TRAPPC11: variants seen among roughly 807,000 people sequenced by gnomAD.
TRAPPC11 encodes trafficking protein particle complex subunit 11.
In TRAPPC11, 104 loss-of-function variants were observed where a neutral mutation model predicts 151.2. The ratio of observed to expected loss-of-function variants is 0.69; its 90% CI spans 0.59 to 0.81. The LOEUF is 0.81. Ranked by LOEUF, TRAPPC11 falls within the 30% of genes least tolerant of loss-of-function variation. The pLI is 0.00. For missense variants in TRAPPC11, 1,230 were observed against 1,349.6 expected (o/e 0.91, Z 1.39); for synonymous variants, 456 against 472.3 (o/e 0.97, Z 0.45).
chr4:183,695,162 C>G (rs1275241494), intron 23 of TRAPPC11, among the ~76,000 whole-genome samples: 1 of 151,994 alleles, frequency 6.6e-6, no homozygotes, highest in Non-Finnish European at 1.5e-5. Flanking sequence ...GTTGGTCAGG[C>G]TGGTCTTGAA....
In TRAPPC11 at chr4:183,704,967, C is replaced by T; in HGVS notation, c.2964-12C>T. 2 of 1,549,796 alleles carry T rather than the reference C, an allele frequency of 1.3e-6. No individual in the cohort carries two copies. Among genetic ancestry groups the T allele is most frequent in the Non-Finnish European group, 1.8e-6 (2 of 1,134,440 alleles). ...TAAAAAGAGTTTAAAAAGATGACCTCTTCTGCCACAGGACCTCAGCAATGG... is the reference window on the plus strand; with the variant it reads ...TAAAAAGAGTTTAAAAAGATGACCTTTTCTGCCACAGGACCTCAGCAATGG... On this transcript the variant is annotated splice_polypyrimidine_tract_variant and intron_variant, in intron 26 of 29. Coordinates refer to ENST00000334690, the MANE Select transcript of TRAPPC11 (RefSeq NM_021942.6).
At chr4:183,689,148 C>T (rs990692678) in intron 18 of TRAPPC11, among the ~76,000 whole-genome samples, 1 of 152,128 alleles carries the variant, frequency 6.6e-6, no homozygotes, top group African/African-American at 2.4e-5. Context: ...ATTAGAGGCT[C>T]TTTATATTAA....
chr4:183,690,751 G>T (rs60054876), intron 18 of TRAPPC11, among the ~76,000 whole-genome samples: 37,221 of 152,042 alleles, frequency 0.24, 4,741 homozygotes, highest in African/African-American at 0.31. Context: ...AGGATCACTT[G>T]AGCCCAGGAA....
rs777681646 is a variant in TRAPPC11 at position 183,691,005 on chromosome 4, A to G, written c.1894-311A>G. ...GAAAGATTATAGCATCACAGAAGCC[A>G]AGTAAAAAAAGGCTCTTCAAGAAAA... On this transcript the variant is annotated intron_variant, in intron 18 of 29. Transcript: ENST00000334690. 4.7e-4 allele frequency among the ~76,000 whole-genome samples: 71 copies of G among 152,162 alleles called. 1 individual carries two copies. The highest frequency in any genetic ancestry group is 1.8e-4 in the Non-Finnish European group (12 of 68,028).
At chr4:183,678,483 CTG>C (rs1424455020) in intron 8 of TRAPPC11, among the ~76,000 whole-genome samples, 2 of 152,106 alleles carry the variant, frequency 1.3e-5, no homozygotes, top group African/African-American at 4.8e-5. Flanking sequence ...TAAATTATAA[CTG>C]TAAACAAAGA....
At chr4:183,698,104 A>AT (rs1362865474) in intron 25 of TRAPPC11, among the ~76,000 whole-genome samples, 9 of 151,386 alleles carry the variant, frequency 5.9e-5, no homozygotes, top group East Asian at 5.8e-4. Context: ...CACAAAAAGA[A>AT]TTTTTTTTTC....
Position 183,693,597 on chromosome 4 carries a change from C to T in TRAPPC11, c.2246C>T (p.Ser749Phe), listed in dbSNP as rs1301348672. The T allele has an allele frequency of 6.2e-7, 1 of 1,608,132 alleles. No homozygotes were observed. Among genetic ancestry groups the T allele is most frequent in the East Asian group, 2.2e-5 (1 of 44,826 alleles). Residue 749 changes from serine to phenylalanine, a missense_variant, in exon 21 of 30, where the codon TCC becomes TTC. Ser to Phe is a radical substitution (Grantham distance 155). Transcript: ENST00000334690. ...IIIQASTMII[S>F]RVPNISVHLL... ...AAGGTTTCTTTTCAAAGGATCATAT[C>T]CAGAGTCCCAAACATTTCTGTACAT...
chr4:183,692,635 A>C (rs930784260), intron 19 of TRAPPC11, among the ~76,000 whole-genome samples: 2 of 152,216 alleles, frequency 1.3e-5, no homozygotes, highest in African/African-American at 4.8e-5. Context: ...TACTTATTTC[A>C]TTCAGCAACC....
intron 2 of TRAPPC11, among the ~76,000 whole-genome samples, chr4:183,665,245 C>T (rs182166042): frequency 3.7e-4 from 56 of 151,912 alleles, no homozygotes; most frequent in Non-Finnish European, 7.1e-4. Context: ...CAGGCGCCCG[C>T]CACCACGTCC....
intron 18 of TRAPPC11, among the ~76,000 whole-genome samples, chr4:183,690,641 G>A (rs758673011): frequency 2.6e-5 from 4 of 152,128 alleles, no homozygotes; most frequent in Non-Finnish European, 5.9e-5. Flanking sequence ...CCAATGAAGT[G>A]AACAGAGAGA....
intron 2 of TRAPPC11, among the ~76,000 whole-genome samples, chr4:183,665,279 A>G (rs950562961): frequency 6.6e-6 from 1 of 151,830 alleles, no homozygotes; most frequent in Non-Finnish European, 1.5e-5. Flanking sequence ...TATTTTTAGT[A>G]GAGACGGGGT....
chr4:183,671,133 T>C (rs933362066), intron 5 of TRAPPC11, among the ~76,000 whole-genome samples: 3 of 152,222 alleles, frequency 2.0e-5, no homozygotes, highest in African/African-American at 7.2e-5. Context: ...CCCATAGTGC[T>C]GGGATTACAT....
At chr4:183,676,447 G>T (rs1735415796) in intron 7 of TRAPPC11, among the ~76,000 whole-genome samples, 1 of 152,138 alleles carries the variant, frequency 6.6e-6, no homozygotes. Context: ...ACTGCGCCTG[G>T]CCTGTAGTTC....
rs780363437 is a variant in TRAPPC11 at position 183,680,209 on chromosome 4, A to G, written c.1055A>G (p.Gln352Arg). The G allele has an allele frequency of 1.7e-5, 28 of 1,614,114 alleles. No individual in the cohort carries two copies. Among genetic ancestry groups the G allele is most frequent in the Middle Eastern group, 1.6e-4 (1 of 6,062 alleles). ...QTQNPGFYYQ[Q>R]AAYYAQERKQ... Reference sequence around the variant, plus strand: ...CAGAATCCTGGTTTCTATTACCAGCAGGCAGCATACTATGCCCAGGAGCGG... The same window carrying G: ...CAGAATCCTGGTTTCTATTACCAGCGGGCAGCATACTATGCCCAGGAGCGG... The change falls in exon 10 of 30, where the codon CAG (glutamine) becomes CGG (arginine). Residue 352 changes from glutamine (Q) to arginine (R), a missense_variant. Physicochemically the swap from Gln to Arg is conservative, Grantham distance 43 (BLOSUM62 1). Transcript: ENST00000334690.
In TRAPPC11 at chr4:183,693,697, C is replaced by G. The variant is rs746859786; in HGVS notation, c.2346C>G (p.Thr782=). The part of the protein sequence containing the change: ...LVVTVQSHEK[T]QIRDVKLTAG... ...TGACTGTTCAGTCCCATGAAAAGAC[C>G]CAAATCAGAGATGTGAAGCTCACCG... The change falls in exon 21 of 30, where the codon ACC becomes ACG. Residue 782 remains threonine (T), a synonymous_variant. Transcript: ENST00000334690. 2.5e-6 allele frequency: 4 copies of G among 1,613,970 alleles called. No homozygotes were observed. In the South Asian group the frequency reaches 4.4e-5, roughly 18 times the overall value.
At chr4:183,666,911 T>C in intron 3 of TRAPPC11, 149 bp from the exon 4 acceptor site, 1 of 565,198 alleles carries the variant, frequency 1.8e-6, no homozygotes, top group Non-Finnish European at 3.2e-6. Flanking sequence ...ATATATGTGC[T>C]TTGTGTGCAG....
At chr4:183,706,758 T>G (rs374256070) in intron 27 of TRAPPC11, 49 bp from the exon 28 acceptor site, 2 of 1,580,818 alleles carry the variant, frequency 1.3e-6, no homozygotes, top group Non-Finnish European at 1.7e-6. Context: ...AAGCCATAAG[T>G]GGGGAGCTAT....
At chr4:183,693,454 C>T in intron 20 of TRAPPC11, 135 bp from the exon 21 acceptor site, 1 of 934,450 alleles carries the variant, frequency 1.1e-6, no homozygotes, top group South Asian at 1.8e-5. Flanking sequence ...GATCCTCCTG[C>T]CTCAGTCTCC....
At position 183,707,254 on chromosome 4, in the gene TRAPPC11, A is replaced by ATGTGTG. The variant is rs10576583; in HGVS notation, c.3189+337_3189+342dup. On this transcript the variant is annotated intron_variant, in intron 28 of 29. Transcript: ENST00000334690. ...TTATTACTGATGAGTGTGTGTGTTT[A>ATGTGTG]TGTGTGTGTGTGTGTGTGTGTGTGT... Among the ~76,000 whole-genome samples the ATGTGTG allele has an allele frequency of 0.074, 10,993 of 148,604 alleles. 452 individuals are homozygous for ATGTGTG. Among genetic ancestry groups the ATGTGTG allele is most frequent in the East Asian group, 0.14 (698 of 5,014 alleles).
Sources: gnomAD v4.1 joint callset for allele counts (sites outside exome capture counted in the v4.1 genomes callset) on GRCh38, gnomAD v4.1.1 for gene constraint, MANE v1.5 for transcripts, NCBI Gene and HGNC (gene_info 2026-07-23, HGNC 2026-07-21) for gene names.